RIPOR3: variants seen among roughly 807,000 people sequenced by gnomAD.
The protein encoded by RIPOR3 is family with sequence similarity 65 member C.
Under a neutral mutation model 114.3 loss-of-function variants are expected in RIPOR3, and 95 were observed. The observed-to-expected ratio is 0.83, with a 90% CI of 0.70 to 0.99. The LOEUF is 0.99. RIPOR3 is among the 50% of genes least tolerant of loss of function. RIPOR3 has a pLI of 0.00. For synonymous variants in RIPOR3, 575 were observed against 543.8 expected (o/e 1.06, Z -0.80); for missense variants, 1,252 against 1,266.9 (o/e 0.99, Z 0.18).
At position 50,609,693 on chromosome 20, in the gene RIPOR3, G is replaced by T; in HGVS notation, c.456C>A (p.Ile152=). 1 of 1,391,762 alleles carries T rather than the reference G, an allele frequency of 7.2e-7. No homozygotes were observed. 86.2% of individuals were successfully genotyped at this position (1,391,762 alleles called of 1,614,324 possible). ...KVDELYEDYC[I]QCRLRDGASS... is the part of the protein sequence containing the mutation. ...AGGCGCCGTCGCGCAGGCGGCACTG[G>T]ATGCAGTAGTCCTCGTACAGCTCAT... Residue 152 remains isoleucine, a synonymous_variant, in exon 7 of 22, where the codon ATC becomes ATA. Coordinates refer to ENST00000327979, the MANE Select transcript of RIPOR3 (RefSeq NM_001290268.2).
Position 50,630,720 on chromosome 20 carries a change from G to A in RIPOR3, c.122+18C>T, listed in dbSNP as rs766764073. The stretch of plus-strand genomic sequence containing the variant: ...GCCCCACCCCTGCACCCCGAAACAG[G>A]ACACGGGGGGAACTTACGCGATCCT... On this transcript the variant is annotated intron_variant, in intron 2 of 21. Transcript: ENST00000327979. The A allele has an allele frequency of 6.3e-6, 10 of 1,586,918 alleles. No homozygotes were observed. The South Asian group carries it at 1.1e-4, about 18-fold the overall frequency.
chr20:50,620,002 A>G lies in RIPOR3; in HGVS notation c.253T>C (p.Leu85=). 1 of 1,612,516 alleles carries G rather than the reference A, an allele frequency of 6.2e-7. No homozygotes were observed. The highest frequency in any genetic ancestry group is 8.5e-7 in the Non-Finnish European group (1 of 1,178,668). Residue 85 remains leucine, a synonymous_variant, in exon 3 of 22, where the codon TTG becomes CTG. Transcript: ENST00000327979. ...PQQVKKIFEA[L]KRGLKEYLCV... is the part of the protein sequence containing the mutation. The stretch of plus-strand genomic sequence containing the variant: ...CAGCCTTACTTGAGGCCTCTTTTCA[A>G]TGCTTCGAAGATCTTCTTCACCTGC...
chr20:50,669,856 G>C (rs1010884460), intron 1 of RIPOR3, among the ~76,000 whole-genome samples: 1 of 150,732 alleles, frequency 6.6e-6, no homozygotes, highest in Non-Finnish European at 1.5e-5. Context: ...AGAAGAGGGG[G>C]CTCTGAAAAA....
At position 50,608,632 on chromosome 20, in the gene RIPOR3, T is replaced by A. The variant is rs768978186; in HGVS notation, c.791A>T (p.His264Leu). ...CCCCACCTTGATGTCCAGGTTCTCA[T>A]GCAGCGTGGGGATGAAGGCCTTCTC... is the stretch of plus-strand genomic sequence containing the variant. ...EEEKAFIPTL[H>L]ENLDIKVTEL... Residue 264 changes from histidine to leucine, a missense_variant, in exon 10 of 22, where the codon CAT becomes CTT. Coordinates refer to ENST00000327979, the MANE Select transcript of RIPOR3 (RefSeq NM_001290268.2). The A allele has an allele frequency of 1.2e-6, 2 of 1,614,032 alleles. No homozygotes were observed. Among genetic ancestry groups the A allele is most frequent in the East Asian group, 4.5e-5 (2 of 44,876 alleles).
intron 1 of RIPOR3, among the ~76,000 whole-genome samples, chr20:50,685,038 C>T (rs6126072): frequency 0.059 from 8,979 of 152,050 alleles, 333 homozygotes; most frequent in South Asian, 0.12. Flanking sequence ...CCTTGGCCTC[C>T]CAAAGTGCTG....
At chr20:50,593,710 C>A (rs1286590673) in intron 17 of RIPOR3, among the ~76,000 whole-genome samples, 1 of 152,152 alleles carries the variant, frequency 6.6e-6, no homozygotes, top group Non-Finnish European at 1.5e-5. Flanking sequence ...TTGGGTTCAT[C>A]CCCATGCCCT....
At position 50,642,388 on chromosome 20, in the gene RIPOR3, G is replaced by A. The variant is rs1340044774; in HGVS notation, c.4-11532C>T. Among the ~76,000 whole-genome samples, 3 of 150,334 alleles carry A rather than the reference G, an allele frequency of 2.0e-5. No individual in the cohort carries two copies. The East Asian group carries it at 5.8e-4, about 29-fold the overall frequency. Reference sequence around the variant, plus strand: ...TGTGTGTGTGTGTGTGAGAGAGAGAGAAACAGGGAGAGAGATACAAGCTTC... The same window carrying A: ...TGTGTGTGTGTGTGTGAGAGAGAGAAAAACAGGGAGAGAGATACAAGCTTC... On this transcript the variant is annotated intron_variant, in intron 1 of 21. Transcript: ENST00000327979.
At chr20:50,628,106 G>T (rs887153133) in intron 2 of RIPOR3, among the ~76,000 whole-genome samples, 1 of 152,194 alleles carries the variant, frequency 6.6e-6, no homozygotes, top group African/African-American at 2.4e-5. Context: ...GCTCAGAAAT[G>T]GTTAAGTTGA....
intron 17 of RIPOR3, among the ~76,000 whole-genome samples, chr20:50,593,989 G>A (rs956618638): frequency 2.0e-5 from 3 of 152,090 alleles, no homozygotes; most frequent in East Asian, 1.9e-4. Flanking sequence ...ATGCTCTGGC[G>A]GCCGGGCGCA....
At chr20:50,688,328 A>C in intron 1 of RIPOR3, among the ~76,000 whole-genome samples, 1 of 151,548 alleles carries the variant, frequency 6.6e-6, no homozygotes, top group Non-Finnish European at 1.5e-5. Context: ...TTTTTTCTCA[A>C]ATTATTTGTA....
At chr20:50,605,026 G>A (rs562541236) in intron 11 of RIPOR3, among the ~76,000 whole-genome samples, 40 of 152,192 alleles carry the variant, frequency 2.6e-4, no homozygotes, top group Non-Finnish European at 4.7e-4. Context: ...GGGTTCAAGC[G>A]ATCCTCCTGC....
intron 1 of RIPOR3, among the ~76,000 whole-genome samples, chr20:50,638,068 C>A (rs570043001): frequency 1.3e-5 from 2 of 151,934 alleles, no homozygotes; most frequent in East Asian, 3.9e-4. Flanking sequence ...ATTTAAAGGA[C>A]CCTTGGTTTA....
intron 1 of RIPOR3, among the ~76,000 whole-genome samples, chr20:50,657,748 C>CTTTTT (rs1272938455): frequency 3.7e-5 from 4 of 109,054 alleles, no homozygotes; most frequent in Non-Finnish European, 3.8e-5. Flanking sequence ...ATGTCTTTTA[C>CTTTTT]TTTTTTTTTT....
At chr20:50,648,679 A>T (rs1245934423) in intron 1 of RIPOR3, among the ~76,000 whole-genome samples, 2 of 152,030 alleles carry the variant, frequency 1.3e-5, no homozygotes, top group Admixed American at 1.3e-4. Context: ...CTGCAACTAG[A>T]TGGTCCCATC....
At chr20:50,593,316 T>C in intron 17 of RIPOR3, 120 bp from the exon 18 acceptor site, 2 of 1,138,912 alleles carry the variant, frequency 1.8e-6, no homozygotes, top group South Asian at 3.2e-5. Context: ...CTCGCACCTG[T>C]AACCCCAGCA....
At chr20:50,649,653 G>A (rs1297876946) in intron 1 of RIPOR3, among the ~76,000 whole-genome samples, 1 of 151,722 alleles carries the variant, frequency 6.6e-6, no homozygotes, top group African/African-American at 2.4e-5. Context: ...GCAGCCCTCA[G>A]GCTTTATTGC....
At position 50,630,749 on chromosome 20, in the gene RIPOR3, G is replaced by C; in HGVS notation, c.111C>G (p.Ser37Arg). The change falls in exon 2 of 22, where the codon AGC (serine) becomes AGG (arginine). Residue 37 changes from serine to arginine, a missense_variant. By Grantham distance (110) the Ser-to-Arg change is moderately radical. Coordinates refer to ENST00000327979, the MANE Select transcript of RIPOR3 (RefSeq NM_001290268.2). ...CGGGGGGAACTTACGCGATCCTCCG[G>C]CTCTGTGCACTGCTGAAGCCTGCGA... ...ASFAGFSSAQSRRIAKSINRN... is the reference protein window; with the variant it reads ...ASFAGFSSAQRRRIAKSINRN... The C allele has an allele frequency of 1.2e-6, 2 of 1,610,270 alleles. No individual in the cohort carries two copies. The highest frequency in any genetic ancestry group is 1.7e-6 in the Non-Finnish European group (2 of 1,178,616).
At chr20:50,605,142 A>T (rs2083660659) in intron 11 of RIPOR3, among the ~76,000 whole-genome samples, 1 of 152,182 alleles carries the variant, frequency 6.6e-6, no homozygotes, top group South Asian at 2.1e-4. Context: ...CATGTTGCCC[A>T]GGCTGGTCTC....
intron 1 of RIPOR3, among the ~76,000 whole-genome samples, chr20:50,664,487 A>C (rs1600716616): frequency 1.3e-5 from 2 of 152,038 alleles, no homozygotes; most frequent in Non-Finnish European, 2.9e-5. Flanking sequence ...TGGAGTGGAA[A>C]TCTCCACTGA....
Sources: gnomAD v4.1 joint callset for allele counts (sites outside exome capture counted in the v4.1 genomes callset) on GRCh38, gnomAD v4.1.1 for gene constraint, MANE v1.5 for transcripts, NCBI Gene and HGNC (gene_info 2026-07-23, HGNC 2026-07-21) for gene names.